Variants in MS4A7 observed in about 807,000 individuals in gnomAD.
The protein encoded by MS4A7 is membrane spanning 4-domains A7, also known as membrane-spanning 4-domains subfamily A member 7.
Under a neutral mutation model 23.5 loss-of-function variants are expected in MS4A7, and 21 were observed. The ratio of observed to expected loss-of-function variants is 0.89; its 90% CI spans 0.63 to 1.29. The LOEUF (loss-of-function observed/expected upper bound fraction) is 1.29, where lower values mean the gene tolerates loss of function less well. Among genes scored for constraint, MS4A7 ranks in the 50% most tolerant of loss-of-function variants. MS4A7 has a pLI of 0.00. For synonymous variants in MS4A7, 111 were observed against 107.4 expected (o/e 1.03, Z -0.21); for missense variants, 263 against 274.2 (o/e 0.96, Z 0.29).
At position 60,385,214 on chromosome 11, in the gene MS4A7, G is replaced by T. The variant is rs764962853; in HGVS notation, c.274G>T (p.Ala92Ser). 1.9e-6 allele frequency: 3 copies of T among 1,614,108 alleles called. No individual in the cohort carries two copies. The South Asian group carries it at 3.3e-5, about 18-fold the overall frequency. ...GATGTCTGGGTACCCATTTTTAGGA[G>T]CTCTGTGTGTGAGTAGAATGGGGAC... ...TLMSGYPFLGALCFGITGSLS... is the reference protein window; with the variant it reads ...TLMSGYPFLGSLCFGITGSLS... Residue 92 changes from alanine (A) to serine (S), a missense_variant, in exon 3 of 7, where the codon GCT (alanine) becomes TCT (serine). By Grantham distance (99) the Ala-to-Ser change is moderately conservative. Transcript: ENST00000300184.
chr11:60,389,425 T>C lies in MS4A7; in HGVS notation c.375T>C (p.Ser125=). Reference sequence around the variant, plus strand: ...GCTTGACCTCAAATGCAGTGAGTTCTGTTACTGCAGGAGCAGGCCTCTTCC... The same window carrying C: ...GCTTGACCTCAAATGCAGTGAGTTCCGTTACTGCAGGAGCAGGCCTCTTCC... ...LSSLTSNAVS[S]VTAGAGLFLL... is the part of the protein sequence containing the mutation. The change falls in exon 5 of 7, where the codon TCT becomes TCC. Residue 125 remains serine (S), a synonymous_variant. Coordinates refer to ENST00000300184, the MANE Select transcript of MS4A7 (RefSeq NM_021201.5). The C allele has an allele frequency of 6.2e-7, 1 of 1,613,742 alleles. No individual in the cohort carries two copies. The highest frequency in any genetic ancestry group is 1.7e-5 in the Admixed American group (1 of 60,002).
In MS4A7 at chr11:60,387,640, C is replaced by T. The variant is rs571834754; in HGVS notation, c.339+867C>T. On this transcript the variant is annotated intron_variant, in intron 4 of 6. Coordinates refer to ENST00000300184, the MANE Select transcript of MS4A7 (RefSeq NM_021201.5). ...ATGTCTGCAATGTCAGCACTGATTG[C>T]AGCACCAAACTCAAAGACAATACCA... 6.6e-5 allele frequency among the ~76,000 whole-genome samples: 10 copies of T among 152,280 alleles called. No individual in the cohort carries two copies. The East Asian group carries it at 1.4e-3, about 21-fold the overall frequency.
Position 60,383,170 on chromosome 11 carries a change from T to TG in MS4A7, c.29_30insG (p.Ser11PhefsTer101). 6.2e-7 allele frequency: 1 copy of TG among 1,613,490 alleles called. No homozygotes were observed. The highest frequency in any genetic ancestry group is 2.2e-5 in the East Asian group (1 of 44,852). The stretch of plus-strand genomic sequence containing the variant: ...CTATTACAATCCCAAACCATGGGGG[T>TG]TTCTCACAGCTTTACACCAAAGGGC... On this transcript the variant is annotated frameshift_variant, in exon 2 of 7. Transcript: ENST00000300184. LOFTEE classifies it high-confidence loss of function.
intron 3 of MS4A7, among the ~76,000 whole-genome samples, chr11:60,386,155 C>T (rs189906868): frequency 2.0e-5 from 3 of 152,340 alleles, no homozygotes; most frequent in East Asian, 3.9e-4. Context: ...CTTCCTCTGC[C>T]AGCTGGATCT....
At chr11:60,390,964 G>A (rs899711896) in intron 5 of MS4A7, among the ~76,000 whole-genome samples, 1 of 152,176 alleles carries the variant, frequency 6.6e-6, no homozygotes, top group African/African-American at 2.4e-5. Flanking sequence ...AAGCTAAGAA[G>A]GATCCTAAAG....
chr11:60,393,750 A>T (rs768484064), intron 6 of MS4A7, 37 bp from the exon 7 acceptor site: 14 of 1,523,182 alleles, frequency 9.2e-6, no homozygotes, highest in Non-Finnish European at 1.3e-5. Flanking sequence ...CTCCGAAATC[A>T]AAGTTTAAAA....
chr11:60,386,070 C>T (rs2085483018), intron 3 of MS4A7, among the ~76,000 whole-genome samples: 1 of 152,212 alleles, frequency 6.6e-6, no homozygotes, highest in Non-Finnish European at 1.5e-5. Context: ...TTAGCTCATA[C>T]TGGACCCTCT....
At chr11:60,382,309 A>G (rs190586161) in intron 1 of MS4A7, among the ~76,000 whole-genome samples, 1 of 152,260 alleles carries the variant, frequency 6.6e-6, no homozygotes, top group Non-Finnish European at 1.5e-5. Flanking sequence ...CGTCTGAGCC[A>G]GACAAGTCTC....
chr11:60,389,759 C>A, intron 5 of MS4A7, 163 bp downstream of exon 5: 1 of 656,434 alleles, frequency 1.5e-6, no homozygotes, highest in South Asian at 1.7e-5. Flanking sequence ...CTGCTGACTG[C>A]ATGGTGTGGG....
chr11:60,380,333 T>A (rs2085415928), intron 1 of MS4A7, among the ~76,000 whole-genome samples: 1 of 152,150 alleles, frequency 6.6e-6, no homozygotes, highest in Non-Finnish European at 1.5e-5. Context: ...GAAGAGAGAA[T>A]GTAAAGAATA....
rs1218246880 is a variant in MS4A7, at chr11:60,395,781, TACA to T, written c.*1922_*1924del. The T allele has an allele frequency of 9.9e-5, 15 of 152,164 alleles. No individual in the cohort carries two copies. In the East Asian group the frequency reaches 2.9e-3, roughly 29 times the overall value. The allele number at this position is 152,164 out of a possible 1,614,324, so 9.4% of individuals were successfully genotyped here. On this transcript the variant is annotated 3_prime_UTR_variant, in exon 7 of 7. Coordinates refer to ENST00000300184, the MANE Select transcript of MS4A7 (RefSeq NM_021201.5). ...GTTAAATGTTCTTAAATGTTCTCACTACAAAAAAAGAAAAAAGATAACTACGTG... is the reference window on the plus strand; with the variant it reads ...GTTAAATGTTCTTAAATGTTCTCACTAAAAAAGAAAAAAGATAACTACGTG...
chr11:60,379,570 G>A (rs1311614974), intron 1 of MS4A7, among the ~76,000 whole-genome samples: 4 of 131,012 alleles, frequency 3.1e-5, no homozygotes, highest in Non-Finnish European at 6.6e-5. Flanking sequence ...AAAGAGTTTT[G>A]CTCAGTCACC....
At chr11:60,392,839 C>T in intron 6 of MS4A7, 53 bp downstream of exon 6, 1 of 1,302,934 alleles carries the variant, frequency 7.7e-7, no homozygotes, top group South Asian at 1.2e-5. Flanking sequence ...GTCCAGGCTA[C>T]AATAATCCAA....
rs370040603 is a variant in MS4A7, at chr11:60,392,802, T to A, written c.648+16T>A. The A allele has an allele frequency of 1.9e-6, 3 of 1,548,666 alleles. No homozygotes were observed. The African/African-American group carries it at 4.1e-5, about 21-fold the overall frequency. On this transcript the variant is annotated intron_variant, in intron 6 of 6. Transcript: ENST00000300184. ...CAACCCTGGGGTGAGTATGCTGACATGTCGCCTGATACCTGCTGTGTCTCA... is the reference window on the plus strand; with the variant it reads ...CAACCCTGGGGTGAGTATGCTGACAAGTCGCCTGATACCTGCTGTGTCTCA...
intron 4 of MS4A7, among the ~76,000 whole-genome samples, chr11:60,388,079 A>G (rs1184548844): frequency 6.6e-6 from 1 of 152,204 alleles, no homozygotes; most frequent in Non-Finnish European, 1.5e-5. Flanking sequence ...CCAGCTCTGT[A>G]GCTATATGGA....
At chr11:60,388,997 T>C in intron 4 of MS4A7, 1 of 165,812 alleles carries the variant, frequency 6.0e-6, no homozygotes, top group East Asian at 1.7e-4. Context: ...GGATTCAGTT[T>C]ACCAGAGGGG....
intron 3 of MS4A7, chr11:60,386,375 G>A (rs2085487207): frequency 4.4e-6 from 1 of 227,676 alleles, no homozygotes; most frequent in Non-Finnish European, 8.5e-6. Flanking sequence ...GTCCATTCAA[G>A]TCATTGGTCC....
intron 2 of MS4A7, chr11:60,383,514 G>T (rs2085451978): frequency 3.3e-6 from 1 of 304,016 alleles, no homozygotes; most frequent in Non-Finnish European, 5.9e-6. Flanking sequence ...ACAATTAACA[G>T]GTTAGTCTTT....
rs2085596707 is a variant in MS4A7 at position 60,394,863 on chromosome 11, T to C, written c.*1002T>C. ...ACTATATATAGTCTTTGAATTCATT[T>C]ATTTTAAATAAATGAATAAAATAAA... On this transcript the variant is annotated 3_prime_UTR_variant, in exon 7 of 7. Coordinates refer to ENST00000300184, the MANE Select transcript of MS4A7 (RefSeq NM_021201.5). The C allele has an allele frequency of 2.0e-6, 1 of 502,622 alleles. No homozygotes were observed. The highest frequency in any genetic ancestry group is 3.5e-6 in the Non-Finnish European group (1 of 284,786). 31.1% of individuals were successfully genotyped at this position (502,622 alleles called of 1,614,324 possible).
Sources: allele counts gnomAD v4.1 joint callset (sites outside exome capture counted in the v4.1 genomes callset), GRCh38; gene constraint gnomAD v4.1.1; transcripts MANE v1.5; gene names NCBI Gene and HGNC (gene_info 2026-07-23, HGNC 2026-07-21).